Variants in MPPED2 observed in about 807,000 individuals in gnomAD.
MPPED2 encodes metallophosphoesterase domain containing 2.
MPPED2 carries 5 observed loss-of-function variants against 33.0 expected under a neutral mutation model. The observed-to-expected ratio is 0.15, with a 90% CI of 0.08 to 0.32. The LOEUF (loss-of-function observed/expected upper bound fraction) is 0.32. Among genes scored for constraint, MPPED2 ranks in the 10% least tolerant of loss-of-function variants. The probability of loss-of-function intolerance (pLI) is 1.00; values close to 1 mark genes in which losing one functional copy is unlikely to be tolerated. For missense variants in MPPED2, 275 were observed against 372.1 expected, an observed-to-expected ratio of 0.74 and a Z score of 2.15; for synonymous variants, 136 against 141.9, an observed-to-expected ratio of 0.96 and a Z score of 0.29.
chr11:30,537,784 A>C (rs540018677), intron 2 of MPPED2, among the ~76,000 whole-genome samples: 41 of 152,314 alleles, frequency 2.7e-4, no homozygotes, highest in African/African-American at 9.6e-4. Flanking sequence ...TCTGTTAGAA[A>C]GGTTAGAAAT....
intron 4 of MPPED2, among the ~76,000 whole-genome samples, chr11:30,472,310 G>C (rs147297907): frequency 9.2e-5 from 14 of 152,124 alleles, no homozygotes; most frequent in Non-Finnish European, 1.9e-4. Flanking sequence ...GCAGTGAGCC[G>C]TGGTGGTGCC....
intron 4 of MPPED2, among the ~76,000 whole-genome samples, chr11:30,460,990 G>A (rs1950495293): frequency 6.6e-6 from 1 of 152,148 alleles, no homozygotes; most frequent in South Asian, 2.1e-4. Flanking sequence ...GTCCATTGAC[G>A]AATGGATAAA....
intron 4 of MPPED2, among the ~76,000 whole-genome samples, chr11:30,458,907 C>T (rs1398576053): frequency 7.2e-6 from 1 of 138,276 alleles, no homozygotes; most frequent in African/African-American, 2.6e-5. Flanking sequence ...GACAATTTTG[C>T]ACAGTTCTTT....
At chr11:30,397,309 A>G (rs2133703163) in intron 6 of MPPED2, among the ~76,000 whole-genome samples, 2 of 152,210 alleles carry the variant, frequency 1.3e-5, no homozygotes, top group Middle Eastern at 6.8e-3. Flanking sequence ...GGATCTTGTT[A>G]TAAGTTTTCT....
intron 6 of MPPED2, among the ~76,000 whole-genome samples, chr11:30,397,761 C>T (rs1344105022): frequency 2.0e-5 from 3 of 152,078 alleles, no homozygotes; most frequent in East Asian, 1.9e-4. Flanking sequence ...TCAATAAACA[C>T]CTCACTAGCT....
chr11:30,578,232 A>G (rs1179293415), intron 2 of MPPED2, among the ~76,000 whole-genome samples: 1 of 152,192 alleles, frequency 6.6e-6, no homozygotes, highest in Non-Finnish European at 1.5e-5. Flanking sequence ...AATGGCACCA[A>G]GATGGAAGGT....
chr11:30,482,587 T>C (rs184420474), intron 4 of MPPED2, among the ~76,000 whole-genome samples: 39 of 152,320 alleles, frequency 2.6e-4, no homozygotes, highest in Non-Finnish European at 4.4e-4. Flanking sequence ...TTTCTACTGT[T>C]ACTTGTAGAA....
At chr11:30,572,049 T>C (rs1467381132) in intron 2 of MPPED2, among the ~76,000 whole-genome samples, 1 of 152,138 alleles carries the variant, frequency 6.6e-6, no homozygotes, top group African/African-American at 2.4e-5. Context: ...TGTCTATGAG[T>C]TGACGATGAC....
At chr11:30,384,969 A>C (rs1312344923) in exon 7 of MPPED2, 1 of 152,166 alleles carries the variant, frequency 6.6e-6, no homozygotes, top group African/African-American at 2.4e-5. Context: ...AAGCCATACC[A>C]GTGTGCCCTG....
At chr11:30,524,956 T>G (rs897090215) in intron 3 of MPPED2, among the ~76,000 whole-genome samples, 3 of 152,158 alleles carry the variant, frequency 2.0e-5, no homozygotes, top group African/African-American at 4.8e-5. Context: ...CAGCACTCCA[T>G]TCTAACAATA....
chr11:30,544,055 T>C (rs1175042695), intron 2 of MPPED2, among the ~76,000 whole-genome samples: 1 of 152,170 alleles, frequency 6.6e-6, no homozygotes, highest in Non-Finnish European at 1.5e-5. Context: ...CTTACAAAAG[T>C]ACAGTGCCGA....
At chr11:30,518,707 CTT>C (rs1210402689) in intron 3 of MPPED2, among the ~76,000 whole-genome samples, 1 of 152,118 alleles carries the variant, frequency 6.6e-6, no homozygotes, top group Non-Finnish European at 1.5e-5. Flanking sequence ...GAACTGAACA[CTT>C]TTCTTTCCTT....
At chr11:30,449,318 T>C (rs111768233) in intron 4 of MPPED2, among the ~76,000 whole-genome samples, 2 of 152,190 alleles carry the variant, frequency 1.3e-5, no homozygotes, top group African/African-American at 2.4e-5. Context: ...TGCCGCTTTG[T>C]CATAAGGAGT....
intron 2 of MPPED2, among the ~76,000 whole-genome samples, chr11:30,559,543 T>A (rs1956143022): frequency 6.6e-6 from 1 of 152,186 alleles, no homozygotes; most frequent in Non-Finnish European, 1.5e-5. Flanking sequence ...AAAGAAACTA[T>A]ACTCAATCTT....
chr11:30,393,688 T>G (rs1947806892), intron 6 of MPPED2, among the ~76,000 whole-genome samples: 1 of 152,182 alleles, frequency 6.6e-6, no homozygotes, highest in Non-Finnish European at 1.5e-5. Context: ...AATAAACAAA[T>G]TATATTTAAG....
At chr11:30,431,842 A>G (rs1395606616) in intron 4 of MPPED2, among the ~76,000 whole-genome samples, 1 of 152,216 alleles carries the variant, frequency 6.6e-6, no homozygotes, top group African/African-American at 2.4e-5. Flanking sequence ...ACTCAGTGGC[A>G]TAACTCATAA....
intron 4 of MPPED2, among the ~76,000 whole-genome samples, chr11:30,452,898 C>T (rs1312498861): frequency 6.6e-6 from 1 of 151,916 alleles, no homozygotes; most frequent in African/African-American, 2.4e-5. Context: ...AAAAAAAGAG[C>T]CTTGGTGGGG....
chr11:30,504,799 A>T, intron 3 of MPPED2: 1 of 1,288,676 alleles, frequency 7.8e-7, no homozygotes, highest in South Asian at 1.2e-5. Flanking sequence ...CTCATGCATT[A>T]GGGTTTCTTC....
chr11:30,446,792 A>G (rs1949829151), intron 4 of MPPED2, among the ~76,000 whole-genome samples: 1 of 152,158 alleles, frequency 6.6e-6, no homozygotes, highest in Non-Finnish European at 1.5e-5. Flanking sequence ...TTTGTTTGCC[A>G]AGACTGTCGG....
Sources: allele counts gnomAD v4.1 joint callset (sites outside exome capture counted in the v4.1 genomes callset), GRCh38; gene constraint gnomAD v4.1.1; transcripts MANE v1.5; gene names NCBI Gene and HGNC (gene_info 2026-07-23, HGNC 2026-07-21).